Variants in EXO1 observed in about 807,000 individuals in gnomAD.
EXO1 encodes the protein exonuclease 1.
EXO1 carries 69 observed loss-of-function variants against 84.5 expected under a neutral mutation model. The observed-to-expected ratio is 0.82, with a 90% CI of 0.67 to 1.00. EXO1 has a LOEUF of 1.00. Among genes scored for constraint, EXO1 ranks in the 50% least tolerant of loss-of-function variants. The pLI is 0.00. For missense variants in EXO1, 1,045 were observed against 1,000.7 expected, an observed-to-expected ratio of 1.04 and a Z score of -0.60; for synonymous variants, 373 against 366.1, an observed-to-expected ratio of 1.02 and a Z score of -0.21.
At chr1:241,882,665 A>C (rs1336194612) in intron 14 of EXO1, among the ~76,000 whole-genome samples, 3 of 152,200 alleles carry the variant, frequency 2.0e-5, no homozygotes, top group Non-Finnish European at 4.4e-5. Flanking sequence ...TAAACAGGTC[A>C]CAAAAGGAAA....
rs528908147 is a variant in EXO1, at chr1:241,859,143, TAAAAC to T, written c.756+430_756+434del. On this transcript the variant is annotated intron_variant, in intron 8 of 15. Transcript: ENST00000366548. ...TATTGATATTTACTGAATTAAAAATTAAAACAAAAATTTAAATGTTTATCAATTCA... is the reference window on the plus strand; with the variant it reads ...TATTGATATTTACTGAATTAAAAATTAAAAATTTAAATGTTTATCAATTCA... Among the ~76,000 whole-genome samples the T allele has an allele frequency of 7.0e-4, 107 of 152,212 alleles. 1 individual carries two copies. Among genetic ancestry groups the T allele is most frequent in the Non-Finnish European group, 1.2e-3 (81 of 68,034 alleles).
intron 3 of EXO1, among the ~76,000 whole-genome samples, chr1:241,849,909 T>C (rs1363634495): frequency 1.3e-5 from 2 of 152,214 alleles, no homozygotes; most frequent in Non-Finnish European, 2.9e-5. Flanking sequence ...TAGTGATTAA[T>C]GTAAATTCTA....
chr1:241,857,401 G>A lies in EXO1; in HGVS notation c.462G>A (p.Gln154=), dbSNP rs1442565176. 1.2e-6 allele frequency: 2 copies of A among 1,613,924 alleles called. No homozygotes were observed. The highest frequency in any genetic ancestry group is 3.3e-5 in the Admixed American group (2 of 60,010). Residue 154 remains glutamine, a synonymous_variant, in exon 7 of 16, where the codon CAG becomes CAA. Transcript: ENST00000366548. ...CLVAPYEADA[Q]LAYLNKAGIV... is the part of the protein sequence containing the mutation. Reference sequence around the variant, plus strand: ...TGGCTCCCTATGAAGCTGATGCGCAGTTGGCCTATCTTAACAAAGCGGGAA... The same window carrying A: ...TGGCTCCCTATGAAGCTGATGCGCAATTGGCCTATCTTAACAAAGCGGGAA...
At chr1:241,887,986 C>T (rs1302033388) in intron 15 of EXO1, among the ~76,000 whole-genome samples, 3 of 152,236 alleles carry the variant, frequency 2.0e-5, no homozygotes, top group East Asian at 1.9e-4. Flanking sequence ...CTTAGTGTCA[C>T]ACATGCTTTT....
chr1:241,876,499 T>C (rs896679376), intron 12 of EXO1, among the ~76,000 whole-genome samples: 1 of 151,810 alleles, frequency 6.6e-6, no homozygotes, highest in Non-Finnish European at 1.5e-5. Context: ...GGAGAATAGC[T>C]TGAACCCAGG....
In EXO1 at chr1:241,878,733, T is replaced by A; in HGVS notation, c.1515-16T>A. On this transcript the variant is annotated splice_polypyrimidine_tract_variant and intron_variant, in intron 12 of 15. Coordinates refer to ENST00000366548, the MANE Select transcript of EXO1 (RefSeq NM_130398.4). ...TACTCATACTTACTTATTGTTTCTA[T>A]TGCTTTTTTTATTAGGTTTTTTTGC... 6.6e-7 allele frequency: 1 copy of A among 1,521,384 alleles called. No individual in the cohort carries two copies. Among genetic ancestry groups the A allele is most frequent in the Non-Finnish European group, 9.1e-7 (1 of 1,102,404 alleles). 94.2% of individuals were successfully genotyped at this position (1,521,384 alleles called of 1,614,324 possible). A position where few individuals can be genotyped will look rare whatever the true frequency, so the allele number is the denominator to read the frequency against.
Position 241,853,412 on chromosome 1 carries a change from C to T in EXO1, c.336C>T (p.Val112=), listed in dbSNP as rs777957014. ...KGKQLLREGK[V]SEARECFTRS... ...AGCAACTTCTTCGTGAGGGGAAAGT[C>T]TCGGAAGCTCGAGAGTGTTTCACCC... The change falls in exon 6 of 16, where the codon GTC becomes GTT. Residue 112 remains valine (V), a synonymous_variant. Coordinates refer to ENST00000366548, the MANE Select transcript of EXO1 (RefSeq NM_130398.4). The T allele has an allele frequency of 4.3e-6, 7 of 1,613,822 alleles. No homozygotes were observed. The highest frequency in any genetic ancestry group is 1.7e-5 in the Admixed American group (1 of 59,988).
rs184384542 is a variant in EXO1 at position 241,868,900 on chromosome 1, G to T, written c.1267+1845G>T. Among the ~76,000 whole-genome samples, 3 of 152,126 alleles carry T rather than the reference G, an allele frequency of 2.0e-5. No homozygotes were observed. The East Asian group carries it at 5.8e-4, about 29-fold the overall frequency. On this transcript the variant is annotated intron_variant, in intron 11 of 15. Transcript: ENST00000366548. ...TTTGTTTTCTAGTTGTTCATTGATG[G>T]TATATAGAAATACCATTGATTTTTG...
chr1:241,867,367 C>T (rs1661809153), intron 11 of EXO1, among the ~76,000 whole-genome samples: 1 of 152,060 alleles, frequency 6.6e-6, no homozygotes, highest in South Asian at 2.1e-4. Context: ...CTTATAAAAC[C>T]ATCAGATCTC....
At chr1:241,866,807 T>A in intron 10 of EXO1, 23 bp from the exon 11 acceptor site, 1 of 1,498,052 alleles carries the variant, frequency 6.7e-7, no homozygotes, top group Non-Finnish European at 9.3e-7. Context: ...CTGCAAATAA[T>A]CTTTTTCCTT....
intron 6 of EXO1, among the ~76,000 whole-genome samples, chr1:241,855,948 C>T (rs1424509004): frequency 6.6e-6 from 1 of 152,188 alleles, no homozygotes; most frequent in Non-Finnish European, 1.5e-5. Context: ...CCAGTTCTCG[C>T]TGGCGCCTCT....
chr1:241,850,327 T>C, intron 3 of EXO1, 82 bp from the exon 4 acceptor site: 1 of 1,002,160 alleles, frequency 1.0e-6, no homozygotes, highest in Middle Eastern at 2.6e-4. Flanking sequence ...GACTCCAAGC[T>C]TTCTCTTCAT....
At chr1:241,860,765 AT>A (rs952815925) in intron 9 of EXO1, 61 bp downstream of exon 9, 63 of 1,402,624 alleles carry the variant, frequency 4.5e-5, no homozygotes, top group Non-Finnish European at 5.3e-5. Flanking sequence ...TTTTATGGTG[AT>A]TTTTTTGTGA....
intron 13 of EXO1, among the ~76,000 whole-genome samples, chr1:241,881,169 A>T (rs1662727177): frequency 6.6e-6 from 1 of 152,138 alleles, no homozygotes; most frequent in Non-Finnish European, 1.5e-5. Context: ...CTGGGACAAC[A>T]GGCATGTGCC....
rs143955774 is a variant in EXO1, at chr1:241,857,397, C to G, written c.458C>G (p.Ala153Gly). The change falls in exon 7 of 16, where the codon GCG (alanine) becomes GGG (glycine). Residue 153 changes from alanine to glycine, a missense_variant. Transcript: ENST00000366548. Reference sequence around the variant, plus strand: ...CTCGTGGCTCCCTATGAAGCTGATGCGCAGTTGGCCTATCTTAACAAAGCG... The same window carrying G: ...CTCGTGGCTCCCTATGAAGCTGATGGGCAGTTGGCCTATCTTAACAAAGCG... ...DCLVAPYEAD[A>G]QLAYLNKAGI... The G allele has an allele frequency of 5.0e-6, 8 of 1,613,592 alleles. No homozygotes were observed. The African/African-American group carries it at 1.1e-4, about 22-fold the overall frequency.
chr1:241,865,177 TTATA>T (rs10570422), intron 10 of EXO1, among the ~76,000 whole-genome samples: 26 of 131,206 alleles, frequency 2.0e-4, no homozygotes, highest in African/African-American at 3.5e-4. Flanking sequence ...GGCCACAGCA[TTATA>T]TATATATATA....
intron 14 of EXO1, among the ~76,000 whole-genome samples, chr1:241,882,596 T>C (rs1285097486): frequency 6.6e-6 from 1 of 152,180 alleles, no homozygotes; most frequent in Non-Finnish European, 1.5e-5. Flanking sequence ...ATATATTAAA[T>C]GTTCTTGTTC....
At chr1:241,884,839 T>C (rs1657023212) in intron 14 of EXO1, among the ~76,000 whole-genome samples, 1 of 152,236 alleles carries the variant, frequency 6.6e-6, no homozygotes, top group African/African-American at 2.4e-5. Context: ...AAATAATTTA[T>C]GATGACTTCT....
At chr1:241,866,174 GTC>G (rs1395857664) in intron 10 of EXO1, among the ~76,000 whole-genome samples, 1 of 152,158 alleles carries the variant, frequency 6.6e-6, no homozygotes, top group Non-Finnish European at 1.5e-5. Flanking sequence ...TTGAGACGGA[GTC>G]TCCCTCGGCT....
Sources: gnomAD v4.1 joint callset for allele counts (sites outside exome capture counted in the v4.1 genomes callset) on GRCh38, gnomAD v4.1.1 for gene constraint, MANE v1.5 for transcripts, NCBI Gene and HGNC (gene_info 2026-07-23, HGNC 2026-07-21) for gene names.